Variants in ALPK2 observed in about 807,000 individuals in gnomAD.
The protein encoded by ALPK2 is alpha kinase 2.
A neutral mutation model predicts 163.1 loss-of-function variants in ALPK2; 127 were observed. That is an observed-to-expected ratio of 0.78 (90% CI 0.67 to 0.90). The LOEUF (loss-of-function observed/expected upper bound fraction) is 0.90, where lower values mean the gene tolerates loss of function less well. Ranked by LOEUF, ALPK2 falls within the 40% of genes least tolerant of loss-of-function variation. ALPK2 has a pLI of 0.00. For missense variants in ALPK2, 2,360 were observed against 2,589.6 expected, an observed-to-expected ratio of 0.91 and a Z score of 1.92; for synonymous variants, 953 against 959.1, an observed-to-expected ratio of 0.99 and a Z score of 0.12.
chr18:58,619,440 A>G (rs1255816640), intron 1 of ALPK2, among the ~76,000 whole-genome samples: 1 of 152,220 alleles, frequency 6.6e-6, no homozygotes, highest in Non-Finnish European at 1.5e-5. Flanking sequence ...ACCCTCATTC[A>G]TTGCTGGTGA....
rs1454780345 is a variant in ALPK2, at chr18:58,536,764, G to T, written c.3423C>A (p.Ser1141Arg). Residue 1141 changes from serine to arginine, a missense_variant, in exon 5 of 13, where the codon AGC (serine) becomes AGA (arginine). Physicochemically the swap from Ser to Arg is moderately radical, Grantham distance 110. Coordinates refer to ENST00000361673, the MANE Select transcript of ALPK2 (RefSeq NM_052947.4). ...SETKQGVQQQ[S>R]LSQQGSLSAP... The stretch of plus-strand genomic sequence containing the variant: ...CAGAAAGAGAACCCTGCTGGGACAG[G>T]CTCTGCTGCTGGACCCCCTGCTTTG... 2 of 1,614,178 alleles carry T rather than the reference G, an allele frequency of 1.2e-6. No individual in the cohort carries two copies. Among genetic ancestry groups the T allele is most frequent in the East Asian group, 2.2e-5 (1 of 44,890 alleles).
Position 58,536,008 on chromosome 18 carries a change from C to T in ALPK2, c.4179G>A (p.Leu1393=). The change falls in exon 5 of 13, where the codon CTG becomes CTA. Residue 1393 remains leucine (L), a synonymous_variant. Coordinates refer to ENST00000361673, the MANE Select transcript of ALPK2 (RefSeq NM_052947.4). ...MDHTAFFKKF[L]TCPKILESSV... ...AGGACTCTAGGATTTTAGGGCAGGT[C>T]AGAAACTTTTTAAAGAAGGCAGTGT... The T allele has an allele frequency of 6.2e-7, 1 of 1,612,544 alleles. No homozygotes were observed. Among genetic ancestry groups the T allele is most frequent in the Admixed American group, 1.7e-5 (1 of 59,910 alleles).
chr18:58,524,305 C>G (rs1223767329), intron 6 of ALPK2, among the ~76,000 whole-genome samples: 1 of 152,100 alleles, frequency 6.6e-6, no homozygotes, highest in Non-Finnish European at 1.5e-5. Flanking sequence ...ATGAGTAGAG[C>G]AAAGAATTGA....
At chr18:58,607,591 T>G (rs981506471) in intron 2 of ALPK2, 152 bp from the exon 3 acceptor site, 3 of 579,992 alleles carry the variant, frequency 5.2e-6, no homozygotes, top group Non-Finnish European at 9.0e-6. Context: ...GCCTTCTTCT[T>G]GTTGATACAA....
At chr18:58,490,462 C>G (rs2051368077) in intron 12 of ALPK2, among the ~76,000 whole-genome samples, 1 of 152,020 alleles carries the variant, frequency 6.6e-6, no homozygotes, top group African/African-American at 2.4e-5. Flanking sequence ...GGCCCCATCT[C>G]CCTCTGAACA....
chr18:58,574,263 T>G (rs1355396739), intron 4 of ALPK2, among the ~76,000 whole-genome samples: 1 of 147,892 alleles, frequency 6.8e-6, no homozygotes, highest in Admixed American at 6.7e-5. Context: ...ACCAACATGG[T>G]GAAACCCTGT....
intron 4 of ALPK2, among the ~76,000 whole-genome samples, chr18:58,561,543 C>T (rs2051825633): frequency 6.6e-6 from 1 of 152,058 alleles, no homozygotes; most frequent in Admixed American, 6.6e-5. Flanking sequence ...TCCCAGAAAA[C>T]ATGGGGAGAA....
chr18:58,500,988 G>A (rs34298397), intron 11 of ALPK2, among the ~76,000 whole-genome samples: 59,489 of 151,962 alleles, frequency 0.39, 12,366 homozygotes, highest in South Asian at 0.46. Flanking sequence ...AAGTCCAAAA[G>A]GGTGGTGATA....
At chr18:58,597,726 C>A (rs1159151666) in intron 3 of ALPK2, among the ~76,000 whole-genome samples, 1 of 152,192 alleles carries the variant, frequency 6.6e-6, no homozygotes, top group Non-Finnish European at 1.5e-5. Context: ...TGGAGCTGTG[C>A]TAGCTACTGA....
chr18:58,615,362 G>A (rs1285636095), intron 1 of ALPK2, among the ~76,000 whole-genome samples: 1 of 152,078 alleles, frequency 6.6e-6, no homozygotes, highest in African/African-American at 2.4e-5. Context: ...CTGACCAGGA[G>A]GCCCCATAGA....
rs368626160 is a variant in ALPK2 at position 58,535,614 on chromosome 18, C to T, written c.4573G>A (p.Glu1525Lys). 2 of 1,614,158 alleles carry T rather than the reference C, an allele frequency of 1.2e-6. No individual in the cohort carries two copies. Among genetic ancestry groups the T allele is most frequent in the Non-Finnish European group, 1.7e-6 (2 of 1,180,024 alleles). The stretch of plus-strand genomic sequence containing the variant: ...TCTGCTTTGTCCTTTTTGCTTTGCT[C>T]AGCCTCCCCTAAGCTCCCATCACTG... The part of the protein sequence containing the change: ...ESSDGSLGEA[E>K]QSKKDKAELI... Residue 1525 changes from glutamate (E) to lysine (K), a missense_variant, in exon 5 of 13, where the codon GAG becomes AAG. Glu to Lys is a moderately conservative substitution (Grantham distance 56). Coordinates refer to ENST00000361673, the MANE Select transcript of ALPK2 (RefSeq NM_052947.4).
intron 4 of ALPK2, among the ~76,000 whole-genome samples, chr18:58,557,903 C>G (rs921916038): frequency 1.3e-5 from 2 of 151,836 alleles, no homozygotes; most frequent in African/African-American, 2.4e-5. Context: ...GAGCTATGAT[C>G]ACACCACTGC....
chr18:58,625,781 G>A (rs2052226630), intron 1 of ALPK2, among the ~76,000 whole-genome samples: 3 of 152,240 alleles, frequency 2.0e-5, no homozygotes, highest in Non-Finnish European at 4.4e-5. Flanking sequence ...TTGAGAGGGA[G>A]GGTGCAGTGT....
chr18:58,526,648 G>A (rs965022374), intron 6 of ALPK2, among the ~76,000 whole-genome samples: 2 of 152,146 alleles, frequency 1.3e-5, no homozygotes, highest in Non-Finnish European at 2.9e-5. Flanking sequence ...GCCACCTTGA[G>A]GTCTCCATGA....
At chr18:58,493,330 T>C (rs1568065206) in intron 12 of ALPK2, among the ~76,000 whole-genome samples, 3 of 152,148 alleles carry the variant, frequency 2.0e-5, no homozygotes, top group Non-Finnish European at 4.4e-5. Context: ...ATGCATTGCT[T>C]TAAATAGTCT....
At chr18:58,484,333 A>G (rs553789924) in intron 12 of ALPK2, among the ~76,000 whole-genome samples, 2 of 152,320 alleles carry the variant, frequency 1.3e-5, no homozygotes, top group Admixed American at 6.5e-5. Flanking sequence ...AACAGAGAAC[A>G]CACAAGACAT....
At chr18:58,618,873 A>C (rs2052183810) in intron 1 of ALPK2, among the ~76,000 whole-genome samples, 1 of 152,094 alleles carries the variant, frequency 6.6e-6, no homozygotes, top group South Asian at 2.1e-4. Context: ...CTGTCAGCTG[A>C]AAGGATCAGG....
Position 58,524,028 on chromosome 18 carries a change from C to T in ALPK2, c.5536G>A (p.Val1846Met), listed in dbSNP as rs771616584. The change falls in exon 7 of 13, where the codon GTG becomes ATG. Residue 1846 changes from valine (V) to methionine (M), a missense_variant. Physicochemically the swap from Val to Met is conservative, Grantham distance 21. Coordinates refer to ENST00000361673, the MANE Select transcript of ALPK2 (RefSeq NM_052947.4). ...CCCTGGTCCTTCGGACTGGCTTGCACGATGGCAAAGGAAACAGTGGAGTTG... is the reference window on the plus strand; with the variant it reads ...CCCTGGTCCTTCGGACTGGCTTGCATGATGGCAAAGGAAACAGTGGAGTTG... ...GDNSTVSFAIVQASPKDQGLY... is the reference protein window; with the variant it reads ...GDNSTVSFAIMQASPKDQGLY... The T allele has an allele frequency of 3.7e-6, 6 of 1,613,894 alleles. No individual in the cohort carries two copies. Among genetic ancestry groups the T allele is most frequent in the Non-Finnish European group, 5.1e-6 (6 of 1,179,934 alleles).
In ALPK2 at chr18:58,537,416, G is replaced by C; in HGVS notation, c.2771C>G (p.Thr924Arg). 6.2e-7 allele frequency: 1 copy of C among 1,613,622 alleles called. No homozygotes were observed. Among genetic ancestry groups the C allele is most frequent in the Non-Finnish European group, 8.5e-7 (1 of 1,179,644 alleles). ...VENSTYPLAS[T>R]VHAGQEQPSP... ...TGGCTGCTCCTGGCCAGCATGTACT[G>C]TGGAGGCCAGTGGGTAGGTGGAATT... The change falls in exon 5 of 13, where the codon ACA becomes AGA. Residue 924 changes from threonine to arginine, a missense_variant. Coordinates refer to ENST00000361673, the MANE Select transcript of ALPK2 (RefSeq NM_052947.4).
Sources: gnomAD v4.1 joint callset for allele counts (sites outside exome capture counted in the v4.1 genomes callset) on GRCh38, gnomAD v4.1.1 for gene constraint, MANE v1.5 for transcripts, NCBI Gene and HGNC (gene_info 2026-07-23, HGNC 2026-07-21) for gene names.